Variants in TBCE observed in about 807,000 individuals in gnomAD.
TBCE encodes the protein tubulin folding cofactor E, also known as tubulin-specific chaperone E.
In TBCE, 53 loss-of-function variants were observed where a neutral mutation model predicts 77.0. The ratio of observed to expected loss-of-function variants is 0.69; its 90% CI spans 0.55 to 0.87. The LOEUF (loss-of-function observed/expected upper bound fraction) is 0.87. Ranked by LOEUF, TBCE falls within the 40% of genes least tolerant of loss-of-function variation. The pLI is 0.00. For missense variants in TBCE, 624 were observed against 622.4 expected (o/e 1.00, Z -0.03); for synonymous variants, 235 against 241.3 (o/e 0.97, Z 0.24).
Position 235,424,916 on chromosome 1 carries a change from C to T in TBCE, c.461-2224C>T, listed in dbSNP as rs557360681. On this transcript the variant is annotated intron_variant, in intron 5 of 16. Coordinates refer to ENST00000642610, the MANE Select transcript of TBCE (RefSeq NM_003193.5). ...TTGGCCTCTCAAAGTGCTGGGATTA[C>T]AGGCGTGAGCCGCCGCGCCTGGCCT... Among the ~76,000 whole-genome samples, 170 of 152,316 alleles carry T rather than the reference C, an allele frequency of 1.1e-3. 2 individuals carry two copies. The highest frequency in any genetic ancestry group is 3.8e-3 in the African/African-American group (156 of 41,576).
rs757127216 is a variant in TBCE, at chr1:235,434,221, G to A, written c.678G>A (p.Ala226=). 31 of 1,614,052 alleles carry A rather than the reference G, an allele frequency of 1.9e-5. No homozygotes were observed. The highest frequency in any genetic ancestry group is 2.4e-5 in the Non-Finnish European group (28 of 1,180,010). ...ITWAEVLRCV[A]GCPGLEELYL... ...TCTTCCAGGTGCTGCGGTGTGTCGC[G>A]GGGTGCCCAGGCCTGGAGGAACTCT... Residue 226 remains alanine (A), a synonymous_variant, in exon 8 of 17, where the codon GCG becomes GCA. Transcript: ENST00000642610.
At chr1:235,410,128 T>G (rs993313954) in intron 3 of TBCE, among the ~76,000 whole-genome samples, 1 of 151,462 alleles carries the variant, frequency 6.6e-6, no homozygotes, top group African/African-American at 2.4e-5. Context: ...GGCAGGAGAA[T>G]TGCTTCAACC....
chr1:235,418,155 A>G (rs1231417233), intron 4 of TBCE, among the ~76,000 whole-genome samples: 2 of 152,176 alleles, frequency 1.3e-5, no homozygotes, highest in Non-Finnish European at 2.9e-5. Flanking sequence ...ATTGCGGCAT[A>G]TGTCAGAATT....
In TBCE at chr1:235,367,523, G is replaced by C. The variant is rs753008115; in HGVS notation, c.-32+19G>C. ...CGGGCAGGTGAGCTTCAGAGGTTCG[G>C]GGAGCTTTCGGAACGAGCATTCCTG... On this transcript the variant is annotated intron_variant, in intron 1 of 16. Transcript: ENST00000642610. 8 of 152,818 alleles carry C rather than the reference G, an allele frequency of 5.2e-5. No individual in the cohort carries two copies. The highest frequency in any genetic ancestry group is 1.0e-4 in the Non-Finnish European group (7 of 68,188). 9.5% of individuals were successfully genotyped at this position (152,818 alleles called of 1,614,324 possible). A position where few individuals can be genotyped will look rare whatever the true frequency, so the allele number is the denominator to read the frequency against.
Position 235,437,540 on chromosome 1 carries a change from C to T in TBCE, c.1116+66C>T, listed in dbSNP as rs915107413. ...AAATAAATGATTTTAGGCCAGGCGCCGTGGCTCACACCTGTAATCCCAGCA... is the reference window on the plus strand; with the variant it reads ...AAATAAATGATTTTAGGCCAGGCGCTGTGGCTCACACCTGTAATCCCAGCA... On this transcript the variant is annotated intron_variant, in intron 12 of 16. Coordinates refer to ENST00000642610, the MANE Select transcript of TBCE (RefSeq NM_003193.5). The T allele has an allele frequency of 3.0e-5, 48 of 1,574,496 alleles. No homozygotes were observed. The Admixed American group carries it at 7.1e-4, about 23-fold the overall frequency.
intron 15 of TBCE, among the ~76,000 whole-genome samples, chr1:235,445,098 A>G (rs1356863710): frequency 6.6e-6 from 1 of 152,240 alleles, no homozygotes; most frequent in Non-Finnish European, 1.5e-5. Context: ...TCGACTATCC[A>G]TAGAAATTAT....
intron 3 of TBCE, among the ~76,000 whole-genome samples, chr1:235,410,171 A>C (rs10925635): frequency 0.71 from 106,845 of 150,296 alleles, 38,360 homozygotes; most frequent in African/African-American, 0.86. Context: ...TGCTTCAACC[A>C]GGGAGGCTGA....
intron 15 of TBCE, among the ~76,000 whole-genome samples, chr1:235,445,071 G>T (rs892620028): frequency 1.3e-5 from 2 of 152,128 alleles, no homozygotes; most frequent in Non-Finnish European, 2.9e-5. Flanking sequence ...ATTAATCTTT[G>T]GGTAGCTAGC....
intron 7 of TBCE, among the ~76,000 whole-genome samples, chr1:235,431,963 T>A (rs1681127169): frequency 6.8e-6 from 1 of 147,704 alleles, no homozygotes; most frequent in Non-Finnish European, 1.5e-5. Flanking sequence ...TGAGCCACCG[T>A]GCCCAGCCCA....
intron 15 of TBCE, among the ~76,000 whole-genome samples, chr1:235,447,730 C>T (rs1278790942): frequency 6.6e-6 from 1 of 152,150 alleles, no homozygotes; most frequent in Non-Finnish European, 1.5e-5. Flanking sequence ...CTTTATTCTT[C>T]TGTGCTGAGA....
rs147615251 is a variant in TBCE, at chr1:235,411,162, C to T, written c.186-3271C>T. Among the ~76,000 whole-genome samples the T allele has an allele frequency of 1.9e-3, 291 of 152,348 alleles. 1 individual carries two copies. Among genetic ancestry groups the T allele is most frequent in the African/African-American group, 6.6e-3 (274 of 41,572 alleles). On this transcript the variant is annotated intron_variant, in intron 3 of 16. Transcript: ENST00000642610. ...ATAACATTACCCATCACTCTTGTTTCTTCTGAGCAGCAGCCAGAGATCACT... is the reference window on the plus strand; with the variant it reads ...ATAACATTACCCATCACTCTTGTTTTTTCTGAGCAGCAGCCAGAGATCACT...
intron 2 of TBCE, among the ~76,000 whole-genome samples, chr1:235,394,595 TA>T (rs1205411439): frequency 1.3e-5 from 2 of 151,784 alleles, no homozygotes; most frequent in Non-Finnish European, 2.9e-5. Flanking sequence ...CATGCCCAGC[TA>T]ATTTTTTGTA....
intron 2 of TBCE, among the ~76,000 whole-genome samples, chr1:235,383,133 C>T (rs1276646916): frequency 3.5e-5 from 5 of 144,018 alleles, no homozygotes; most frequent in Non-Finnish European, 6.1e-5. Context: ...TGTAGATATG[C>T]GGCGTTATTT....
chr1:235,426,886 T>TC (rs898144824), intron 5 of TBCE, among the ~76,000 whole-genome samples: 1 of 152,126 alleles, frequency 6.6e-6, no homozygotes, highest in South Asian at 2.1e-4. Flanking sequence ...CTCAAGTGAT[T>TC]CCCCCGACCT....
intron 8 of TBCE, among the ~76,000 whole-genome samples, 171 bp downstream of exon 8, chr1:235,434,451 A>C (rs1324285813): frequency 6.6e-6 from 1 of 152,202 alleles, no homozygotes; most frequent in Non-Finnish European, 1.5e-5. Flanking sequence ...AATTGGTTCT[A>C]ATCAAAGGAA....
rs962234418 is a variant in TBCE, at chr1:235,412,779, T to C, written c.186-1654T>C. On this transcript the variant is annotated intron_variant, in intron 3 of 16. Transcript: ENST00000642610. ...ATGTTAACAAAATTTATCACAAATATTAGTTTTCATCCTTTTCAATTATTA... is the reference window on the plus strand; with the variant it reads ...ATGTTAACAAAATTTATCACAAATACTAGTTTTCATCCTTTTCAATTATTA... Among the ~76,000 whole-genome samples the C allele has an allele frequency of 6.6e-5, 10 of 151,340 alleles. No homozygotes were observed. In the East Asian group the frequency reaches 9.6e-4, roughly 15 times the overall value.
At chr1:235,448,252 C>CTATCATTG (rs1280871547) in intron 15 of TBCE, 97 bp from the exon 16 acceptor site, 2 of 815,358 alleles carry the variant, frequency 2.5e-6, no homozygotes, top group Non-Finnish European at 4.3e-6. Flanking sequence ...ACAGATACAG[C>CTATCATTG]TATCATTGCA....
chr1:235,412,614 C>T (rs1169582009), intron 3 of TBCE, among the ~76,000 whole-genome samples: 1 of 151,776 alleles, frequency 6.6e-6, no homozygotes, highest in African/African-American at 2.4e-5. Context: ...ACCCAGCCCA[C>T]ACTCTCTAAG....
intron 2 of TBCE, among the ~76,000 whole-genome samples, chr1:235,381,713 GAC>G (rs1677664158): frequency 9.1e-6 from 1 of 109,486 alleles, no homozygotes; most frequent in Non-Finnish European, 1.9e-5. Context: ...AAAAAAAAAA[GAC>G]TGATTTGCTT....
Sources: allele counts gnomAD v4.1 joint callset (sites outside exome capture counted in the v4.1 genomes callset), GRCh38; gene constraint gnomAD v4.1.1; transcripts MANE v1.5; gene names NCBI Gene and HGNC (gene_info 2026-07-23, HGNC 2026-07-21).